The following MED23 variants were observed in gnomAD, a reference collection of about 807,000 sequenced individuals.
The protein encoded by MED23 is mediator of RNA polymerase II transcription subunit 23.
A neutral mutation model predicts 163.9 loss-of-function variants in MED23; 105 were observed. The ratio of observed to expected loss-of-function variants is 0.64; its 90% confidence interval spans 0.55 to 0.75. The LOEUF is 0.75. Among genes scored for constraint, MED23 ranks in the 30% least tolerant of loss-of-function variants. The pLI is 0.00. For synonymous variants in MED23, 561 were observed against 565.6 expected (o/e 0.99, Z 0.12); for missense variants, 1,054 against 1,649.0 (o/e 0.64, Z 6.25).
At chr6:131,607,468 C>A (rs547705062) in intron 12 of MED23, among the ~76,000 whole-genome samples, 8 of 151,898 alleles carry the variant, frequency 5.3e-5, no homozygotes, top group Admixed American at 5.2e-4. Context: ...TTGCTTCAAC[C>A]CAGGAGGTGG....
chr6:131,589,181 C>T (rs1482799456), intron 28 of MED23, among the ~76,000 whole-genome samples: 2 of 152,136 alleles, frequency 1.3e-5, no homozygotes, highest in Non-Finnish European at 2.9e-5. Context: ...ACTGTTTCTC[C>T]CTAATGAGAT....
At chr6:131,621,332 A>G (rs1057300367) in intron 6 of MED23, among the ~76,000 whole-genome samples, 1 of 152,004 alleles carries the variant, frequency 6.6e-6, no homozygotes, top group Non-Finnish European at 1.5e-5. Context: ...ATAAAAAAAT[A>G]AGTATATATA....
Position 131,623,446 on chromosome 6 carries a change from G to A in MED23, c.301C>T (p.Leu101=). Residue 101 remains leucine, a synonymous_variant, in exon 5 of 29, where the codon CTG becomes TTG. Transcript: ENST00000368068. ...CACTCAAGAGTGTCAGAGTTTATCAGGGATTCACAAACCAGCCTATAAAAA... is the reference window on the plus strand; with the variant it reads ...CACTCAAGAGTGTCAGAGTTTATCAAGGATTCACAAACCAGCCTATAAAAA... ...LLPPRLVCES[L]INSDTLEWER... The A allele has an allele frequency of 1.9e-6, 3 of 1,614,002 alleles. No homozygotes were observed. Among genetic ancestry groups the A allele is most frequent in the Non-Finnish European group, 2.5e-6 (3 of 1,179,966 alleles).
chr6:131,608,921 G>A (rs940816069), intron 11 of MED23, among the ~76,000 whole-genome samples: 1 of 151,416 alleles, frequency 6.6e-6, no homozygotes, highest in Non-Finnish European at 1.5e-5. Context: ...TCCCTTTTTT[G>A]GATTCATCGT....
Position 131,589,499 on chromosome 6 carries a change from T to A in MED23, c.3905A>T (p.Lys1302Met). 2 of 1,613,712 alleles carry A rather than the reference T, an allele frequency of 1.2e-6. No individual in the cohort carries two copies. The highest frequency in any genetic ancestry group is 1.7e-6 in the Non-Finnish European group (2 of 1,179,686). Residue 1302 changes from lysine (K) to methionine (M), a missense_variant, in exon 28 of 29, where the codon AAG becomes ATG. Lys to Met is a moderately conservative substitution (Grantham distance 95). Around this residue, in one of 11 missense-constraint regions of MED23, gnomAD observed 362 missense variants for 471.6 expected, o/e 0.77. Coordinates refer to ENST00000368068, the MANE Select transcript of MED23 (RefSeq NM_004830.4). The part of the protein sequence containing the change: ...DPICDFLYHM[K>M]YMFTGDSVKE... Reference sequence around the variant, plus strand: ...CACGCTGTCACCAGTAAACATATACTTCATGTGATAGAGGAAGTCACAGAT... The same window carrying A: ...CACGCTGTCACCAGTAAACATATACATCATGTGATAGAGGAAGTCACAGAT...
intron 15 of MED23, among the ~76,000 whole-genome samples, chr6:131,603,804 T>C (rs572020409): frequency 1.3e-5 from 2 of 152,322 alleles, no homozygotes; most frequent in African/African-American, 4.8e-5. Flanking sequence ...ATTCCTTCTT[T>C]ATTTCCAGTC....
chr6:131,576,475 A>C (rs532250558), intron 30 of MED23, among the ~76,000 whole-genome samples: 1 of 152,134 alleles, frequency 6.6e-6, no homozygotes, highest in African/African-American at 2.4e-5. Flanking sequence ...AGTTCTTTCT[A>C]TTTGGCATAA....
At chr6:131,615,014 C>G (rs1315992983) in intron 10 of MED23, among the ~76,000 whole-genome samples, 1 of 130,698 alleles carries the variant, frequency 7.7e-6, no homozygotes, top group Non-Finnish European at 1.6e-5. Flanking sequence ...GAAAAATAAA[C>G]CATCAAAAAG....
At chr6:131,583,162 A>G (rs1452547824), downstream of MED23, 1 of 1,613,126 alleles carries the variant, frequency 6.2e-7, no homozygotes, top group East Asian at 2.2e-5. Flanking sequence ...ATCTACTAGG[A>G]AGGTAGGATT....
chr6:131,628,127 A>G lies in MED23; in HGVS notation c.-78T>C. 6.5e-7 allele frequency: 1 copy of G among 1,531,998 alleles called. No homozygotes were observed. 94.9% of individuals were successfully genotyped at this position (1,531,998 alleles called of 1,614,324 possible). A position where few individuals can be genotyped will look rare whatever the true frequency, so the allele number is the denominator to read the frequency against. On this transcript the variant is annotated 5_prime_UTR_variant, in exon 1 of 29. Coordinates refer to ENST00000368068, the MANE Select transcript of MED23 (RefSeq NM_004830.4). ...TCGAGCTCTGGGAATATAGGGGCAGAGGGGCGGAGACCTCTGGAGGAAACC... is the reference window on the plus strand; with the variant it reads ...TCGAGCTCTGGGAATATAGGGGCAGGGGGGCGGAGACCTCTGGAGGAAACC...
At chr6:131,616,065 G>T in intron 9 of MED23, 63 bp from the exon 10 acceptor site, 1 of 1,345,760 alleles carries the variant, frequency 7.4e-7, no homozygotes. Flanking sequence ...CAAATTATTA[G>T]AAATGAGATT....
chr6:131,586,124 AG>A (rs1562364122), downstream of MED23, among the ~76,000 whole-genome samples: 1 of 152,202 alleles, frequency 6.6e-6, no homozygotes, highest in African/African-American at 2.4e-5. Flanking sequence ...GGCCGGGCAC[AG>A]TGGCTCACGC....
downstream of MED23, chr6:131,582,705 C>T (rs775104877): frequency 4.3e-6 from 7 of 1,613,548 alleles, no homozygotes; most frequent in South Asian, 7.7e-5. Flanking sequence ...AGACGTGGAC[C>T]CTGGGGAACA....
downstream of MED23, among the ~76,000 whole-genome samples, chr6:131,585,797 T>C (rs577729815): frequency 4.6e-5 from 7 of 152,206 alleles, no homozygotes; most frequent in East Asian, 1.2e-3. Context: ...AGTTTTTGTC[T>C]TCTATTAGTC....
At chr6:131,585,050 A>C (rs1774130952), downstream of MED23, among the ~76,000 whole-genome samples, 1 of 152,050 alleles carries the variant, frequency 6.6e-6, no homozygotes, top group South Asian at 2.1e-4. Flanking sequence ...GAGCCACATA[A>C]ATCAAATTGC....
chr6:131,592,292 G>C (rs138864704), intron 25 of MED23, 96 bp downstream of exon 25: 1 of 1,046,072 alleles, frequency 9.6e-7, no homozygotes, highest in African/African-American at 1.6e-5. Flanking sequence ...ATGACGTCCC[G>C]TACAAGGGCA....
At chr6:131,603,517 C>T (rs1775636135) in intron 15 of MED23, among the ~76,000 whole-genome samples, 1 of 151,996 alleles carries the variant, frequency 6.6e-6, no homozygotes, top group Non-Finnish European at 1.5e-5. Flanking sequence ...TATTTTTAGA[C>T]AATTAATGTT....
chr6:131,602,046 G>A (rs1775524295), intron 17 of MED23, among the ~76,000 whole-genome samples, 172 bp downstream of exon 17: 1 of 151,974 alleles, frequency 6.6e-6, no homozygotes, highest in East Asian at 1.9e-4. Context: ...ATAGAATGAT[G>A]GTACACAAAA....
chr6:131,590,162 ATTAC>A (rs1774492752), intron 27 of MED23, among the ~76,000 whole-genome samples, 156 bp downstream of exon 27: 1 of 152,184 alleles, frequency 6.6e-6, no homozygotes, highest in Non-Finnish European at 1.5e-5. Context: ...CCCTAAATTC[ATTAC>A]TGGCAAACTA....
Sources: gnomAD v4.1 joint callset for allele counts (sites outside exome capture counted in the v4.1 genomes callset) on GRCh38, gnomAD v4.1.1 for gene constraint, gnomAD v4.1.1 regional missense constraint, MANE v1.5 for transcripts, NCBI Gene and HGNC (gene_info 2026-07-23, HGNC 2026-07-21) for gene names.